Variants in AMELY observed in about 807,000 individuals in gnomAD.
AMELY encodes the protein amelogenin Y-linked.
In AMELY, 4 loss-of-function variants were observed where a neutral mutation model predicts 4.2. The observed-to-expected ratio is 0.96, with a 90% CI of 0.47 to 2.19. The LOEUF (loss-of-function observed/expected upper bound fraction) is 2.19. Among genes scored for constraint, AMELY ranks in the 30% most tolerant of loss-of-function variants. The pLI is 0.02. For synonymous variants in AMELY, 11 were observed against 14.7 expected, an observed-to-expected ratio of 0.75 and a Z score of 0.57; for missense variants, 32 against 41.5, an observed-to-expected ratio of 0.77 and a Z score of 0.63.
intron 1 of AMELY, among the ~76,000 whole-genome samples, chrY:6,885,399 CA>C (rs2054079308): frequency 2.9e-5 from 1 of 34,141 alleles, no homozygotes; most frequent in African/African-American, 1.1e-4. Context: ...GGCATGAGCC[CA>C]GGAGGCAGAG....
chrY:6,907,902 G>A (rs2124085823), intron 1 of AMELY, among the ~76,000 whole-genome samples: 2 of 31,808 alleles, frequency 6.3e-5, no homozygotes. Context: ...GCCCAGGCTG[G>A]TGGCCTGATC....
rs888924289 is a variant in AMELY, at chrY:6,867,376, T to C, written c.573+661A>G. ...ATGGATGTGGATAAAGTTTTTTTAT[T>C]GATTATTCCCATTCATTTGTAAGTG... On this transcript the variant is annotated intron_variant, in intron 6 of 6. Coordinates refer to ENST00000651267, the MANE Select transcript of AMELY (RefSeq NM_001143.2). Among the ~76,000 whole-genome samples the C allele has an allele frequency of 2.1e-4, 7 of 33,941 alleles. No homozygotes were observed. In the East Asian group the frequency reaches 5.4e-3, roughly 26 times the overall value. The allele number at this position is 33,941 out of a possible 37,273, so 91.1% of individuals were successfully genotyped here. A position where few individuals can be genotyped will look rare whatever the true frequency, so the allele number is the denominator to read the frequency against.
rs1022487423 is a variant in AMELY at position 6,866,015 on chromosome Y, G to T, written c.*58C>A. The T allele has an allele frequency of 6.1e-4, 139 of 228,243 alleles. No individual in the cohort carries two copies. Among genetic ancestry groups the T allele is most frequent in the Non-Finnish European group, 8.1e-4 (129 of 159,405 alleles). The allele number at this position is 228,243 out of a possible 400,897, so 56.9% of individuals were successfully genotyped here. On this transcript the variant is annotated 3_prime_UTR_variant, in exon 7 of 7. Coordinates refer to ENST00000651267, the MANE Select transcript of AMELY (RefSeq NM_001143.2). ...TAAGCAAAAATCATTGTGTGCTTGT[G>T]TCATCCCTGAAAGCAACTAAAGTGT... is the stretch of plus-strand genomic sequence containing the variant.
At chrY:6,891,919 G>A (rs948986685) in intron 1 of AMELY, among the ~76,000 whole-genome samples, 1 of 34,218 alleles carries the variant, frequency 2.9e-5, no homozygotes, top group Admixed American at 2.6e-4. Flanking sequence ...CAGGCTCTCT[G>A]ATGAAGTAAA....
intron 2 of AMELY, among the ~76,000 whole-genome samples, chrY:6,873,499 A>T: frequency 9.0e-5 from 3 of 33,291 alleles, no homozygotes; most frequent in Non-Finnish European, 2.2e-4. Context: ...TGGTAAAGAC[A>T]GTGAATATAA....
At chrY:6,908,322 G>A in intron 1 of AMELY, among the ~76,000 whole-genome samples, 1 of 30,772 alleles carries the variant, frequency 3.2e-5, no homozygotes, top group African/African-American at 1.3e-4. Context: ...CAGGTGTGGT[G>A]CTGCATGCCT....
At chrY:6,880,559 T>C in intron 1 of AMELY, among the ~76,000 whole-genome samples, 1 of 33,394 alleles carries the variant, frequency 3.0e-5, no homozygotes, top group Non-Finnish European at 7.4e-5. Context: ...AGTTAGGGAG[T>C]ATTCCCTCTT....
In AMELY at chrY:6,870,035, G is replaced by A. The variant is rs545301207; in HGVS notation, c.73C>T (p.His25Tyr). ...FAMPLPPHPG[H>Y]PGYINFSYEV... is the part of the protein sequence containing the mutation. ...TAGCTGAAGTTGATATAACCAGGGTGCCCAGGATGAGGTGGTAGCTTTTAT... is the reference window on the plus strand; with the variant it reads ...TAGCTGAAGTTGATATAACCAGGGTACCCAGGATGAGGTGGTAGCTTTTAT... Residue 25 changes from histidine (H) to tyrosine (Y), a missense_variant, in exon 4 of 7, where the codon CAC becomes TAC. Physicochemically the swap from His to Tyr is moderately conservative, Grantham distance 83. Coordinates refer to ENST00000651267, the MANE Select transcript of AMELY (RefSeq NM_001143.2). 2.5e-6 allele frequency: 1 copy of A among 396,842 alleles called. No individual in the cohort carries two copies. Among genetic ancestry groups the A allele is most frequent in the South Asian group, 3.0e-5 (1 of 33,383 alleles).
chrY:6,886,374 C>G, intron 1 of AMELY, among the ~76,000 whole-genome samples: 2 of 33,635 alleles, frequency 5.9e-5, no homozygotes, highest in Admixed American at 5.4e-4. Context: ...TTTTGAAGAG[C>G]AGAAGGGAAA....
At chrY:6,885,254 C>A (rs373032297) in intron 1 of AMELY, among the ~76,000 whole-genome samples, 9 of 32,641 alleles carry the variant, frequency 2.8e-4, no homozygotes, top group Admixed American at 8.6e-4. Flanking sequence ...CCAAGGGGGG[C>A]GGATCACGAG....
chrY:6,898,539 G>A, intron 1 of AMELY, among the ~76,000 whole-genome samples: 5 of 33,401 alleles, frequency 1.5e-4, no homozygotes, highest in Admixed American at 2.7e-4. Flanking sequence ...GCTCTGTTCC[G>A]GCCCTCAGTG....
intron 1 of AMELY, among the ~76,000 whole-genome samples, chrY:6,886,246 T>C (rs2054080041): frequency 3.0e-5 from 1 of 33,547 alleles, no homozygotes; most frequent in Admixed American, 2.7e-4. Context: ...GGAATGAAAG[T>C]TATGAAAACA....
chrY:6,894,419 T>C, intron 1 of AMELY, among the ~76,000 whole-genome samples: 2 of 33,956 alleles, frequency 5.9e-5, no homozygotes, highest in African/African-American at 2.3e-4. Context: ...ATAACTTATC[T>C]GGTTCTCCCT....
At chrY:6,901,644 A>C in intron 1 of AMELY, among the ~76,000 whole-genome samples, 2 of 33,219 alleles carry the variant, frequency 6.0e-5, no homozygotes, top group African/African-American at 2.4e-4. Flanking sequence ...AACTAATGGA[A>C]TATATATGCA....
intron 1 of AMELY, among the ~76,000 whole-genome samples, chrY:6,896,246 T>C: frequency 3.0e-5 from 1 of 33,319 alleles, no homozygotes; most frequent in Non-Finnish European, 7.4e-5. Context: ...CAGACCAAAA[T>C]GCAAACTAGC....
Position 6,868,092 on chromosome Y carries a change from G to A in AMELY, c.518C>T (p.Pro173Leu). 1 of 392,925 alleles carries A rather than the reference G, an allele frequency of 2.5e-6. No individual in the cohort carries two copies. The highest frequency in any genetic ancestry group is 3.6e-6 in the Non-Finnish European group (1 of 281,496). ...FPLRPLPPIL[P>L]DLHLEAWPAT... The stretch of plus-strand genomic sequence containing the variant: ...TGGCCAAGCTTCCAGATGCAGATCA[G>A]GAAGTATGGGGGGCAGGGGCCGCAG... Residue 173 changes from proline (P) to leucine (L), a missense_variant, in exon 6 of 7, where the codon CCT becomes CTT. Physicochemically the swap from Pro to Leu is moderately conservative, Grantham distance 98. Transcript: ENST00000651267.
At chrY:6,898,877 AATG>A (rs2054087536) in intron 1 of AMELY, among the ~76,000 whole-genome samples, 2 of 33,895 alleles carry the variant, frequency 5.9e-5, no homozygotes, top group African/African-American at 2.3e-4. Context: ...TCCTTTGTAA[AATG>A]ATCATGATAT....
At chrY:6,871,697 T>C (rs2054067621) in intron 3 of AMELY, among the ~76,000 whole-genome samples, 2 of 32,445 alleles carry the variant, frequency 6.2e-5, no homozygotes, top group Non-Finnish European at 1.5e-4. Context: ...CCGTGGGTCA[T>C]GCCTGTAATC....
At chrY:6,895,240 A>G (rs1037111942) in intron 1 of AMELY, among the ~76,000 whole-genome samples, 3 of 33,836 alleles carry the variant, frequency 8.9e-5, no homozygotes, top group Non-Finnish European at 1.5e-4. Flanking sequence ...CAAGTGAGGA[A>G]TGTAATACCT....
Sources: gnomAD v4.1 joint callset for allele counts (sites outside exome capture counted in the v4.1 genomes callset) on GRCh38, gnomAD v4.1.1 for gene constraint, MANE v1.5 for transcripts, NCBI Gene and HGNC (gene_info 2026-07-23, HGNC 2026-07-21) for gene names.